The following TCF20 variants were observed in gnomAD, a reference collection of about 807,000 sequenced individuals.
TCF20 encodes SPRE-binding protein.
TCF20 carries 3 observed loss-of-function variants against 148.6 expected under a neutral mutation model. The observed-to-expected ratio is 0.02, with a 90% CI of 0.01 to 0.05. The LOEUF (loss-of-function observed/expected upper bound fraction) is 0.05, where lower values mean the gene tolerates loss of function less well. Among genes scored for constraint, TCF20 ranks in the 10% least tolerant of loss-of-function variants. The pLI, the probability that TCF20 is intolerant of heterozygous loss-of-function variation, is 1.00. For synonymous variants in TCF20, 1,049 were observed against 909.5 expected (o/e 1.15, Z -2.76); for missense variants, 2,350 against 2,429.3 (o/e 0.97, Z 0.69).
At chr22:42,295,869 C>T (rs1927228114) in intron 1 of TCF20, among the ~76,000 whole-genome samples, 1 of 152,196 alleles carries the variant, frequency 6.6e-6, no homozygotes, top group Admixed American at 6.5e-5. Context: ...TCAGCCCCAA[C>T]CCATATACCC....
At chr22:42,242,428 AT>A (rs1233835192) in intron 1 of TCF20, among the ~76,000 whole-genome samples, 7 of 151,998 alleles carry the variant, frequency 4.6e-5, no homozygotes, top group Non-Finnish European at 1.0e-4. Flanking sequence ...TCTTCCAAAA[AT>A]AACATGAACC....
chr22:42,315,903 C>T (rs576709145), intron 1 of TCF20, among the ~76,000 whole-genome samples: 2 of 152,148 alleles, frequency 1.3e-5, no homozygotes, highest in South Asian at 4.2e-4. Context: ...CACTTGAGGT[C>T]AGGAGTTTGA....
chr22:42,266,549 C>T (rs560377501), intron 1 of TCF20, among the ~76,000 whole-genome samples: 24 of 151,068 alleles, frequency 1.6e-4, no homozygotes, highest in African/African-American at 5.6e-4. Flanking sequence ...CTGATAACCT[C>T]CTGACCTCAC....
At chr22:42,236,011 T>C (rs1923849783) in intron 1 of TCF20, among the ~76,000 whole-genome samples, 2 of 152,070 alleles carry the variant, frequency 1.3e-5, no homozygotes, top group Non-Finnish European at 1.5e-5. Context: ...CTGGCCAACA[T>C]GGTGAAACCC....
At chr22:42,315,488 G>A (rs1432447362) in intron 1 of TCF20, among the ~76,000 whole-genome samples, 1 of 152,232 alleles carries the variant, frequency 6.6e-6, no homozygotes, top group African/African-American at 2.4e-5. Context: ...GACATAGGCA[G>A]GAAGAGCAAC....
In TCF20 at chr22:42,173,243, TA is replaced by T. The variant is rs1555910598; in HGVS notation, c.5750-3348del. Among the ~76,000 whole-genome samples the T allele has an allele frequency of 5.3e-3, 724 of 137,312 alleles. 1 individual carries two copies. The highest frequency in any genetic ancestry group is 8.1e-3 in the African/African-American group (313 of 38,696). The allele number at this position is 137,312 out of a possible 152,430, so 90.1% of individuals were successfully genotyped here. On this transcript the variant is annotated intron_variant, in intron 3 of 5. Transcript: ENST00000677622. The stretch of plus-strand genomic sequence containing the variant: ...GGCTCATTGCATTAAATACATTAAT[TA>T]AAAAAAAAAAAAAACAGAGCTCATG...
intron 1 of TCF20, chr22:42,278,801 G>A (rs115500964): frequency 5.3e-4 from 81 of 152,394 alleles, no homozygotes; most frequent in African/African-American, 1.8e-3. Context: ...ATGTACAGGC[G>A]TGGACGCTAA....
chr22:42,244,192 G>A (rs1311226376), intron 1 of TCF20, among the ~76,000 whole-genome samples: 1 of 152,136 alleles, frequency 6.6e-6, no homozygotes, highest in Non-Finnish European at 1.5e-5. Context: ...CCACACATGG[G>A]AATATAAAAT....
In TCF20 at chr22:42,164,217, T is replaced by C. The variant is rs967692226; in HGVS notation, c.*45-2859A>G. 3.5e-3 allele frequency among the ~76,000 whole-genome samples: 494 copies of C among 139,206 alleles called. 6 individuals are homozygous for C. Among genetic ancestry groups the C allele is most frequent in the South Asian group, 0.026 (110 of 4,214 alleles). 91.3% of individuals were successfully genotyped at this position (139,206 alleles called of 152,430 possible). A position where few individuals can be genotyped will look rare whatever the true frequency, so the allele number is the denominator to read the frequency against. The stretch of plus-strand genomic sequence containing the variant: ...TGGGATGCACTCATTTCTTTCTTTT[T>C]TTTTTTTTTTTTTTTGAGATGGAGT... On this transcript the variant is annotated intron_variant, in intron 5 of 5. Coordinates refer to ENST00000677622, the MANE Select transcript of TCF20 (RefSeq NM_001378418.1).
At chr22:42,311,531 T>A (rs771816264) in intron 1 of TCF20, among the ~76,000 whole-genome samples, 1 of 152,216 alleles carries the variant, frequency 6.6e-6, no homozygotes, top group East Asian at 1.9e-4. Flanking sequence ...GGGGCTGACC[T>A]TGGTGCCCTG....
upstream of TCF20, among the ~76,000 whole-genome samples, chr22:42,286,311 G>A (rs1927030122): frequency 6.6e-6 from 1 of 152,158 alleles, no homozygotes; most frequent in African/African-American, 2.4e-5. Flanking sequence ...CCTAGGCAGG[G>A]TTGACTGGAA....
chr22:42,307,112 T>C (rs923592753), intron 1 of TCF20, among the ~76,000 whole-genome samples: 1 of 145,270 alleles, frequency 6.9e-6, no homozygotes, highest in Non-Finnish European at 1.5e-5. Context: ...AGCCATCTGG[T>C]GGCAATGGTG....
intron 1 of TCF20, among the ~76,000 whole-genome samples, chr22:42,240,380 T>C (rs1325563146): frequency 6.6e-6 from 1 of 152,170 alleles, no homozygotes; most frequent in African/African-American, 2.4e-5. Flanking sequence ...TAATACAGTA[T>C]AATAGTATCA....
intron 1 of TCF20, among the ~76,000 whole-genome samples, chr22:42,332,257 G>T (rs1188315353): frequency 6.6e-6 from 1 of 152,242 alleles, no homozygotes; most frequent in Non-Finnish European, 1.5e-5. Flanking sequence ...GCAGGGAGAA[G>T]CTTGGGAGGT....
chr22:42,262,418 G>A (rs1325709261), intron 1 of TCF20, among the ~76,000 whole-genome samples: 3 of 152,230 alleles, frequency 2.0e-5, no homozygotes, highest in East Asian at 1.9e-4. Flanking sequence ...CCGGGTAAAC[G>A]GTAGAGCCCC....
rs193257799 is a variant in TCF20 at position 42,309,001 on chromosome 22, C to A, written c.-37+34478G>T. On this transcript the variant is annotated intron_variant, in intron 1 of 1. Transcript: ENST00000515426. ...TGAGAGCAGAGGGGCACTGAACACC[C>A]AGGGAACACGCCGGTGCCTGCCGCC... 2.0e-5 allele frequency among the ~76,000 whole-genome samples: 3 copies of A among 152,240 alleles called. No homozygotes were observed. In the East Asian group the frequency reaches 5.8e-4, roughly 29 times the overall value.
At chr22:42,309,036 G>A (rs576745778) in intron 1 of TCF20, among the ~76,000 whole-genome samples, 1 of 152,230 alleles carries the variant, frequency 6.6e-6, no homozygotes, top group South Asian at 2.1e-4. Context: ...CTGGTGCAGA[G>A]GCCTCACAGG....
Position 42,211,497 on chromosome 22 carries a change from G to A in TCF20, c.3809C>T (p.Ser1270Leu). 6.2e-7 allele frequency: 1 copy of A among 1,614,166 alleles called. No individual in the cohort carries two copies. The highest frequency in any genetic ancestry group is 8.5e-7 in the Non-Finnish European group (1 of 1,180,028). The change falls in exon 2 of 6, where the codon TCA (serine) becomes TTA (leucine). Residue 1270 changes from serine (S) to leucine (L), a missense_variant. This residue lies in a region of TCF20 where 1,641 missense variants were observed against 1,662.6 expected (regional missense o/e 0.99). Transcript: ENST00000677622. ...AGTGCTACTGTTCTTTACATCTTGT[G>A]ACTGTCTCTTACTGGGAATGGGAGA... ...FISPIPSKRQ[S>L]QDVKNSSTED...
At chr22:42,312,387 T>A (rs1452992996) in intron 1 of TCF20, among the ~76,000 whole-genome samples, 2 of 152,094 alleles carry the variant, frequency 1.3e-5, no homozygotes, top group Non-Finnish European at 2.9e-5. Flanking sequence ...AATAAATGGG[T>A]TCCCTGGCTG....
Sources: allele counts gnomAD v4.1 joint callset (sites outside exome capture counted in the v4.1 genomes callset), GRCh38; gene constraint gnomAD v4.1.1; regional missense constraint gnomAD v4.1.1; transcripts MANE v1.5; gene names NCBI Gene and HGNC (gene_info 2026-07-23, HGNC 2026-07-21).